The following SRBD1 variants were observed in gnomAD, a reference collection of about 807,000 sequenced individuals.
SRBD1 encodes the protein S1 RNA-binding domain-containing protein 1.
SRBD1 carries 88 observed loss-of-function variants against 115.3 expected under a neutral mutation model. That is an observed-to-expected ratio of 0.76 (90% CI 0.64 to 0.91). The LOEUF (loss-of-function observed/expected upper bound fraction) is 0.91, where lower values mean the gene tolerates loss of function less well. Among genes scored for constraint, SRBD1 ranks in the 40% least tolerant of loss-of-function variants. The probability of loss-of-function intolerance (pLI) is 0.00; values close to 1 mark genes in which losing one functional copy is unlikely to be tolerated. For missense variants in SRBD1, 1,385 were observed against 1,177.4 expected (o/e 1.18, Z -2.58); for synonymous variants, 509 against 407.7 (o/e 1.25, Z -2.99).
chr2:45,603,741 C>G (rs1174541611), intron 2 of SRBD1, among the ~76,000 whole-genome samples: 1 of 152,054 alleles, frequency 6.6e-6, no homozygotes, highest in Non-Finnish European at 1.5e-5. Context: ...GATGGCCAGG[C>G]TAGACTCCGG....
chr2:45,463,319 A>G (rs1669382507), intron 16 of SRBD1, among the ~76,000 whole-genome samples: 1 of 152,214 alleles, frequency 6.6e-6, no homozygotes, highest in Admixed American at 6.5e-5. Context: ...TACTGTCCCT[A>G]TAATAATGAT....
chr2:45,601,749 A>C (rs149564734), intron 3 of SRBD1, among the ~76,000 whole-genome samples, 154 bp downstream of exon 3: 5 of 152,268 alleles, frequency 3.3e-5, no homozygotes, highest in Non-Finnish European at 7.3e-5. Context: ...AAAGAAACAC[A>C]GTACAGACCC....
intron 14 of SRBD1, among the ~76,000 whole-genome samples, chr2:45,506,522 T>G (rs923445373): frequency 1.3e-4 from 20 of 152,168 alleles, no homozygotes; most frequent in Non-Finnish European, 2.9e-5. Flanking sequence ...ATGACATTTT[T>G]TATTCCCCAC....
At chr2:45,498,521 C>G (rs1670529695) in intron 14 of SRBD1, among the ~76,000 whole-genome samples, 2 of 152,126 alleles carry the variant, frequency 1.3e-5, no homozygotes, top group African/African-American at 4.8e-5. Context: ...TCTGTCACCT[C>G]AAACATCTAT....
At chr2:45,424,676 C>T (rs1223810461) in intron 16 of SRBD1, among the ~76,000 whole-genome samples, 1 of 152,016 alleles carries the variant, frequency 6.6e-6, no homozygotes, top group Non-Finnish European at 1.5e-5. Flanking sequence ...CATACATATA[C>T]CCAAACAGAA....
chr2:45,530,657 A>G (rs111466622), intron 14 of SRBD1, among the ~76,000 whole-genome samples: 2,131 of 152,176 alleles, frequency 0.014, 48 homozygotes, highest in African/African-American at 0.04. Context: ...CAGAGGTTGA[A>G]AGGAAATGTG....
intron 19 of SRBD1, among the ~76,000 whole-genome samples, chr2:45,395,895 T>C (rs750750521): frequency 3.9e-5 from 6 of 152,218 alleles, no homozygotes; most frequent in Non-Finnish European, 8.8e-5. Flanking sequence ...CAGAATTAAG[T>C]GTGATAAGTA....
chr2:45,488,350 G>C lies in SRBD1; in HGVS notation c.1875-19C>G. 6.2e-7 allele frequency: 1 copy of C among 1,604,288 alleles called. No homozygotes were observed. The highest frequency in any genetic ancestry group is 8.5e-7 in the Non-Finnish European group (1 of 1,172,282). On this transcript the variant is annotated intron_variant, in intron 14 of 20. Transcript: ENST00000263736. ...GACGATACTGAGAAGACAGAAAAAG[G>C]GGAATATCACTTTCCTAACTTCCTG...
chr2:45,558,691 T>A (rs1159785075), intron 10 of SRBD1, among the ~76,000 whole-genome samples: 3 of 143,698 alleles, frequency 2.1e-5, no homozygotes, highest in Admixed American at 1.4e-4. Context: ...AATTATTTTT[T>A]TTTTTTTTTT....
chr2:45,525,583 T>A (rs1429294193), intron 14 of SRBD1, among the ~76,000 whole-genome samples: 1 of 152,014 alleles, frequency 6.6e-6, no homozygotes, highest in East Asian at 1.9e-4. Context: ...AGAGTGGATA[T>A]AAAGTGTTCT....
chr2:45,552,696 C>T (rs1310469141), intron 11 of SRBD1, among the ~76,000 whole-genome samples: 3 of 152,150 alleles, frequency 2.0e-5, no homozygotes, highest in African/African-American at 4.8e-5. Flanking sequence ...AAGTGAAATA[C>T]AATTCTAAAA....
intron 15 of SRBD1, among the ~76,000 whole-genome samples, chr2:45,484,050 A>C (rs1190136298): frequency 6.6e-6 from 1 of 151,568 alleles, no homozygotes; most frequent in Non-Finnish European, 1.5e-5. Flanking sequence ...TTTTTTTTTT[A>C]TTTCTCTGAG....
chr2:45,430,179 A>G (rs1668288562), intron 16 of SRBD1, among the ~76,000 whole-genome samples: 1 of 152,234 alleles, frequency 6.6e-6, no homozygotes, highest in African/African-American at 2.4e-5. Flanking sequence ...GCTCATGGAT[A>G]GGAGGAATCA....
At chr2:45,500,523 A>C (rs1419599245) in intron 14 of SRBD1, among the ~76,000 whole-genome samples, 1 of 151,938 alleles carries the variant, frequency 6.6e-6, no homozygotes, top group Non-Finnish European at 1.5e-5. Context: ...CCCACACTCA[A>C]GCTGTCCTCC....
At chr2:45,492,652 G>T (rs1181267276) in intron 14 of SRBD1, among the ~76,000 whole-genome samples, 3 of 151,990 alleles carry the variant, frequency 2.0e-5, no homozygotes, top group Admixed American at 2.0e-4. Flanking sequence ...TGTTAGCCAC[G>T]ATGGTCTCGA....
intron 16 of SRBD1, among the ~76,000 whole-genome samples, chr2:45,453,228 T>A (rs928300747): frequency 1.3e-5 from 2 of 150,422 alleles, no homozygotes; most frequent in Non-Finnish European, 3.0e-5. Flanking sequence ...TTCACCGAGC[T>A]TTGTATATAT....
At chr2:45,543,556 A>T (rs1043065033) in intron 14 of SRBD1, among the ~76,000 whole-genome samples, 1 of 152,210 alleles carries the variant, frequency 6.6e-6, no homozygotes, top group Non-Finnish European at 1.5e-5. Context: ...AGGTATTAAA[A>T]ATGGCTGCCA....
At chr2:45,593,168 C>G (rs1673777787) in intron 4 of SRBD1, among the ~76,000 whole-genome samples, 1 of 152,102 alleles carries the variant, frequency 6.6e-6, no homozygotes, top group Non-Finnish European at 1.5e-5. Flanking sequence ...GCTAATTCCT[C>G]TATAGAGTCT....
At chr2:45,563,446 G>T (rs374219488) in intron 9 of SRBD1, among the ~76,000 whole-genome samples, 18 of 151,280 alleles carry the variant, frequency 1.2e-4, no homozygotes, top group African/African-American at 3.6e-4. Flanking sequence ...ACAAGCAGAA[G>T]AAAATAATAA....
Sources: allele counts gnomAD v4.1 joint callset (sites outside exome capture counted in the v4.1 genomes callset), GRCh38; gene constraint gnomAD v4.1.1; transcripts MANE v1.5; gene names NCBI Gene and HGNC (gene_info 2026-07-23, HGNC 2026-07-21).